Variants in ANO1 observed in about 807,000 individuals in gnomAD.
The protein encoded by ANO1 is anoctamin 1, also known as anoctamin-1.
ANO1 carries 59 observed loss-of-function variants against 124.0 expected under a neutral mutation model. The ratio of observed to expected loss-of-function variants is 0.48; its 90% CI spans 0.39 to 0.59. ANO1 has a LOEUF of 0.59. Ranked by LOEUF, ANO1 falls within the 20% of genes least tolerant of loss-of-function variation. The pLI is 0.00. For missense variants in ANO1, 1,059 were observed against 1,328.0 expected (o/e 0.80, Z 3.15); for synonymous variants, 529 against 532.0 (o/e 0.99, Z 0.08).
intron 10 of ANO1, 50 bp from the exon 11 acceptor site, chr11:70,131,869 C>A: frequency 1.3e-6 from 2 of 1,566,396 alleles, no homozygotes; most frequent in Admixed American, 1.8e-5. Context: ...CCAGGAGGTG[C>A]TCCATCATGG....
rs551375649 is a variant in ANO1, at chr11:70,039,414, C to T, written c.59-39128C>T. Among the ~76,000 whole-genome samples the T allele has an allele frequency of 5.3e-5, 8 of 152,324 alleles. No homozygotes were observed. The East Asian group carries it at 1.5e-3, about 29-fold the overall frequency. On this transcript the variant is annotated intron_variant, in intron 1 of 27. Transcript: ENST00000531349. ...ATGTATGTTAATAGCAAAACTCCTG[C>T]ATCCTCAATTATGCCCTATGCTGGC...
exon 1 of ANO1, chr11:69,985,934 C>CA (rs1451938077): frequency 6.6e-6 from 1 of 152,096 alleles, no homozygotes; most frequent in African/African-American, 2.4e-5. Context: ...AGTTTGGCTA[C>CA]AGCACGCGCG....
At chr11:69,966,958 C>T in the ANO1 span, among the ~76,000 whole-genome samples, 1 of 152,246 alleles carries the variant, frequency 6.6e-6, no homozygotes, top group South Asian at 2.1e-4. Context: ...TACTGGTGAC[C>T]CTGCAGGGGG....
rs1382045964 is a variant in ANO1 at position 70,103,067 on chromosome 11, C to T, written c.443C>T (p.Thr148Ile). The T allele has an allele frequency of 6.2e-7, 1 of 1,609,544 alleles. No individual in the cohort carries two copies. Among genetic ancestry groups the T allele is most frequent in the South Asian group, 1.1e-5 (1 of 89,896 alleles). The change falls in exon 3 of 26, where the codon ACT (threonine) becomes ATT (isoleucine). Residue 148 changes from threonine to isoleucine, a missense_variant and splice_region_variant. This residue lies in a region of ANO1 where 250 missense variants were observed against 233.1 expected (regional missense o/e 1.07). Transcript: ENST00000355303. Reference sequence around the variant, plus strand: ...CCAGAACTTTCCTTCTCTCTCCAGACTAAAATCCACGGAGTCGGGTTTGTG... The same window carrying T: ...CCAGAACTTTCCTTCTCTCTCCAGATTAAAATCCACGGAGTCGGGTTTGTG... ...AGLELERDED[T>I]KIHGVGFVKI...
In ANO1 at chr11:70,182,633, C is replaced by A. The variant is rs370309197; in HGVS notation, c.2535C>A (p.Asn845Lys). Residue 845 changes from asparagine to lysine, a missense_variant, in exon 24 of 26, where the codon AAC becomes AAA. By Grantham distance (94) the Asn-to-Lys change is moderately conservative. Transcript: ENST00000355303. ...CCTTCAACGTCAGTGACTTCCAGAA[C>A]GGCACGGCCCCCAATGACCCCCTGG... ...LSSFNVSDFQ[N>K]GTAPNDPLDL... The A allele has an allele frequency of 1.2e-6, 2 of 1,612,866 alleles. No homozygotes were observed. Among genetic ancestry groups the A allele is most frequent in the Admixed American group, 1.7e-5 (1 of 59,880 alleles).
intron 1 of ANO1, among the ~76,000 whole-genome samples, chr11:70,023,590 T>A (rs1856842005): frequency 6.6e-6 from 1 of 152,322 alleles, no homozygotes; most frequent in Non-Finnish European, 1.5e-5. Flanking sequence ...ACATCAGGGC[T>A]TAGGGAAGTT....
At chr11:70,082,746 C>A (rs113616651) in intron 1 of ANO1, among the ~76,000 whole-genome samples, 1 of 151,782 alleles carries the variant, frequency 6.6e-6, no homozygotes, top group South Asian at 2.1e-4. Flanking sequence ...CTTTTTGTCC[C>A]GTTCTACACA....
chr11:70,115,254 A>C (rs2045932224), intron 7 of ANO1, among the ~76,000 whole-genome samples: 1 of 152,126 alleles, frequency 6.6e-6, no homozygotes, highest in Non-Finnish European at 1.5e-5. Flanking sequence ...GTTGCTGGTG[A>C]GGGGAGAGGG....
At chr11:70,162,740 G>T (rs548837225) in intron 18 of ANO1, among the ~76,000 whole-genome samples, 99 of 152,274 alleles carry the variant, frequency 6.5e-4, no homozygotes, top group African/African-American at 2.2e-3. Context: ...CCCCGCCAAG[G>T]GGTCCAGTGC....
intron 9 of ANO1, among the ~76,000 whole-genome samples, chr11:70,125,171 C>T (rs148578960): frequency 0.034 from 5,153 of 152,058 alleles, 142 homozygotes; most frequent in Middle Eastern, 0.051. Context: ...GGTGAAACCC[C>T]GTCTCTACCC....
rs562708754 is a variant in ANO1 at position 70,112,558 on chromosome 11, T to C, written c.855+796T>C. 2.2e-3 allele frequency among the ~76,000 whole-genome samples: 331 copies of C among 149,672 alleles called. 2 individuals carry two copies. Among genetic ancestry groups the C allele is most frequent in the African/African-American group, 8.0e-3 (325 of 40,504 alleles). On this transcript the variant is annotated intron_variant, in intron 7 of 25. Transcript: ENST00000355303. Reference sequence around the variant, plus strand: ...CCTAACTCCTCTTTTCTTTTCTTTTTTTTTTTTTTTTTGAAACAAGACAGA... The same window carrying C: ...CCTAACTCCTCTTTTCTTTTCTTTTCTTTTTTTTTTTTGAAACAAGACAGA...
At chr11:70,078,074 CG>C (rs2044087059), upstream of ANO1, among the ~76,000 whole-genome samples, 1 of 152,230 alleles carries the variant, frequency 6.6e-6, no homozygotes, top group South Asian at 2.1e-4. Flanking sequence ...GCCTGCCACT[CG>C]GGGACTTTAT....
At chr11:70,167,490 C>T (rs529019986) in intron 21 of ANO1, 103 bp downstream of exon 21, 351 of 1,421,908 alleles carry the variant, frequency 2.5e-4, no homozygotes, top group Non-Finnish European at 2.9e-4. Flanking sequence ...CCCAACCCTG[C>T]GGTGCCCAGC....
intron 1 of ANO1, among the ~76,000 whole-genome samples, chr11:69,996,706 T>A: frequency 6.6e-6 from 1 of 152,176 alleles, no homozygotes; most frequent in East Asian, 1.9e-4. Context: ...ATGGGTGTAC[T>A]GGCTCCAAGT....
chr11:69,982,058 G>A (rs955716401), upstream of ANO1, among the ~76,000 whole-genome samples: 4 of 152,126 alleles, frequency 2.6e-5, no homozygotes, highest in Non-Finnish European at 4.4e-5. Flanking sequence ...ACTGCTAGCG[G>A]GTTCGAGCTG....
the ANO1 span, among the ~76,000 whole-genome samples, chr11:69,980,480 G>A: frequency 2.0e-5 from 3 of 151,974 alleles, no homozygotes; most frequent in African/African-American, 7.2e-5. Flanking sequence ...AATTAGCCGG[G>A]CGTGGTGGTG....
chr11:70,127,513 G>C (rs2135501229), intron 10 of ANO1, among the ~76,000 whole-genome samples: 1 of 152,322 alleles, frequency 6.6e-6, no homozygotes, highest in African/African-American at 2.4e-5. Flanking sequence ...CAGGGGCCCA[G>C]TTCCCCCACA....
At chr11:70,021,385 A>G (rs1239968998) in intron 1 of ANO1, among the ~76,000 whole-genome samples, 1 of 151,770 alleles carries the variant, frequency 6.6e-6, no homozygotes, top group African/African-American at 2.4e-5. Flanking sequence ...CGTGACCTAT[A>G]CTTTTCACTC....
chr11:70,082,747 G>A (rs142917029), intron 1 of ANO1, among the ~76,000 whole-genome samples: 73 of 151,980 alleles, frequency 4.8e-4, no homozygotes, highest in African/African-American at 1.6e-3. Flanking sequence ...TTTTTGTCCC[G>A]TTCTACACAA....
Sources: gnomAD v4.1 joint callset for allele counts (sites outside exome capture counted in the v4.1 genomes callset) on GRCh38, gnomAD v4.1.1 for gene constraint, gnomAD v4.1.1 regional missense constraint, MANE v1.5 for transcripts, NCBI Gene and HGNC (gene_info 2026-07-23, HGNC 2026-07-21) for gene names.